ZNF423: variants seen among roughly 807,000 people sequenced by gnomAD.
ZNF423 encodes the protein zinc finger protein 423, also known as Ebf-associated zinc finger protein.
A neutral mutation model predicts 95.8 loss-of-function variants in ZNF423; 12 were observed. The ratio of observed to expected loss-of-function variants is 0.13; its 90% CI spans 0.08 to 0.20. The LOEUF is 0.20. Ranked by LOEUF, ZNF423 falls within the 10% of genes least tolerant of loss-of-function variation. The pLI is 1.00. For missense variants in ZNF423, 1,316 were observed against 1,737.1 expected, an observed-to-expected ratio of 0.76 and a Z score of 4.31; for synonymous variants, 749 against 711.9, an observed-to-expected ratio of 1.05 and a Z score of -0.83.
chr16:49,854,960 G>T, intron 1 of ZNF423: 1 of 985,030 alleles, frequency 1.0e-6, no homozygotes, highest in South Asian at 4.7e-5. Context: ...CCCGGGGTCA[G>T]ATCCGGGGCG....
chr16:49,797,928 G>A (rs1013763119), intron 1 of ZNF423, among the ~76,000 whole-genome samples: 1 of 106,256 alleles, frequency 9.4e-6, no homozygotes, highest in Non-Finnish European at 2.1e-5. Flanking sequence ...CGATTTTTTA[G>A]GCCAGGCACA....
At chr16:49,791,517 G>A (rs975546728) in intron 1 of ZNF423, among the ~76,000 whole-genome samples, 1 of 152,234 alleles carries the variant, frequency 6.6e-6, no homozygotes. Context: ...CTTCTATTAA[G>A]AGACTGCTGC....
At chr16:49,587,319 AT>A (rs746387019) in intron 5 of ZNF423, among the ~76,000 whole-genome samples, 6 of 152,212 alleles carry the variant, frequency 3.9e-5, no homozygotes, top group Non-Finnish European at 8.8e-5. Context: ...CTGACCCTGC[AT>A]TTGGCGAATG....
At chr16:49,768,327 C>A (rs1224123488) in intron 2 of ZNF423, among the ~76,000 whole-genome samples, 1 of 152,218 alleles carries the variant, frequency 6.6e-6, no homozygotes. Context: ...TCTTCTCGGC[C>A]CAGAATGGTT....
At chr16:49,815,894 ATATATATATATATATATATATTTTTTTT>A (rs2034838801) in intron 1 of ZNF423, among the ~76,000 whole-genome samples, 1 of 62,030 alleles carries the variant, frequency 1.6e-5, no homozygotes, top group Admixed American at 1.8e-4. Flanking sequence ...ATATATATAT[ATATATATATATATATATATATTTTTTTT>A]TTTTTTTTTT....
At chr16:49,525,333 C>G in intron 6 of ZNF423, 30 bp downstream of exon 6, 1 of 1,613,124 alleles carries the variant, frequency 6.2e-7, no homozygotes, top group Non-Finnish European at 8.5e-7. Context: ...TCATCTCTCT[C>G]CCCTGAGGGG....
chr16:49,685,737 C>T (rs75009280), intron 3 of ZNF423, among the ~76,000 whole-genome samples: 9 of 152,354 alleles, frequency 5.9e-5, no homozygotes, highest in East Asian at 1.9e-4. Context: ...CACCTGCCCA[C>T]GCCCGTCCTT....
chr16:49,580,823 C>T (rs564003690), intron 5 of ZNF423, among the ~76,000 whole-genome samples: 161 of 152,182 alleles, frequency 1.1e-3, no homozygotes, highest in Non-Finnish European at 3.2e-4. Flanking sequence ...CAGCGGAGAA[C>T]GCATTCAGAG....
At chr16:49,847,526 C>G (rs1357929153) in intron 1 of ZNF423, 1 of 152,352 alleles carries the variant, frequency 6.6e-6, no homozygotes, top group Non-Finnish European at 1.5e-5. Flanking sequence ...TGCCCTTTCC[C>G]CCAGCCCTGA....
intron 5 of ZNF423, among the ~76,000 whole-genome samples, chr16:49,551,657 C>T (rs1178332949): frequency 6.6e-6 from 1 of 152,170 alleles, no homozygotes; most frequent in Non-Finnish European, 1.5e-5. Context: ...AAGCTGGGAT[C>T]CAGAGAGGAG....
chr16:49,588,185 T>C (rs1330166403), intron 5 of ZNF423, among the ~76,000 whole-genome samples: 1 of 152,218 alleles, frequency 6.6e-6, no homozygotes, highest in Non-Finnish European at 1.5e-5. Flanking sequence ...CCTGTGAATC[T>C]TCCCTGCTGC....
rs992007488 is a variant in ZNF423 at position 49,854,735 on chromosome 16, G to A, written c.40+1000C>T. 27 of 985,416 alleles carry A rather than the reference G, an allele frequency of 2.7e-5. No individual in the cohort carries two copies. The African/African-American group carries it at 4.7e-4, about 17-fold the overall frequency. 61.0% of individuals were successfully genotyped at this position (985,416 alleles called of 1,614,324 possible). ...AGGGGAGGGGCTCTGCTGCCGGCGCGCGGCCTTTCCCCGGGGCCTCTACTC... is the reference window on the plus strand; with the variant it reads ...AGGGGAGGGGCTCTGCTGCCGGCGCACGGCCTTTCCCCGGGGCCTCTACTC... On this transcript the variant is annotated intron_variant, in intron 1 of 7. Transcript: ENST00000563137.
chr16:49,784,456 A>T (rs2034276986), intron 2 of ZNF423, among the ~76,000 whole-genome samples: 2 of 152,246 alleles, frequency 1.3e-5, no homozygotes, highest in Non-Finnish European at 2.9e-5. Context: ...ATGTCAATCA[A>T]CAATACCCAA....
intron 2 of ZNF423, among the ~76,000 whole-genome samples, chr16:49,777,801 G>C (rs571521542): frequency 6.6e-6 from 1 of 152,138 alleles, no homozygotes; most frequent in Non-Finnish European, 1.5e-5. Flanking sequence ...GGTTAACAAG[G>C]CTTAAATGAG....
At chr16:49,671,723 G>A (rs774274955) in intron 3 of ZNF423, among the ~76,000 whole-genome samples, 1 of 151,908 alleles carries the variant, frequency 6.6e-6, no homozygotes, top group African/African-American at 2.4e-5. Context: ...TCACTCTGTC[G>A]CCCAGGCTGG....
At chr16:49,772,081 T>A (rs552370505) in intron 2 of ZNF423, among the ~76,000 whole-genome samples, 1 of 152,196 alleles carries the variant, frequency 6.6e-6, no homozygotes, top group Non-Finnish European at 1.5e-5. Context: ...CTGTGTCATC[T>A]GCAAGCTGGA....
At chr16:49,800,695 C>T (rs1036360179) in intron 1 of ZNF423, among the ~76,000 whole-genome samples, 1 of 152,216 alleles carries the variant, frequency 6.6e-6, no homozygotes, top group African/African-American at 2.4e-5. Context: ...GGGTATCCCA[C>T]ATACTGGCTC....
chr16:49,781,096 T>C (rs2034204787), intron 2 of ZNF423, among the ~76,000 whole-genome samples: 1 of 151,996 alleles, frequency 6.6e-6, no homozygotes, highest in East Asian at 1.9e-4. Context: ...CTTGGGGAAA[T>C]GTGTAAAGTG....
intron 3 of ZNF423, among the ~76,000 whole-genome samples, chr16:49,641,140 G>A (rs181828930): frequency 4.3e-4 from 65 of 152,330 alleles, no homozygotes; most frequent in Non-Finnish European, 3.1e-4. Context: ...GCAAATGAGT[G>A]GCCAGGTCCA....
Sources: gnomAD v4.1 joint callset for allele counts (sites outside exome capture counted in the v4.1 genomes callset) on GRCh38, gnomAD v4.1.1 for gene constraint, MANE v1.5 for transcripts, NCBI Gene and HGNC (gene_info 2026-07-23, HGNC 2026-07-21) for gene names.